The following FRMD4B variants were observed in gnomAD, a reference collection of about 807,000 sequenced individuals.
FRMD4B encodes the protein FERM domain-containing protein 4B.
In FRMD4B, 74 loss-of-function variants were observed where a neutral mutation model predicts 141.5. The observed-to-expected ratio is 0.52, with a 90% CI of 0.43 to 0.63. The LOEUF is 0.63. FRMD4B is among the 30% of genes least tolerant of loss of function. The pLI is 0.00. For missense variants in FRMD4B, 1,366 were observed against 1,253.4 expected (o/e 1.09, Z -1.36); for synonymous variants, 506 against 467.9 (o/e 1.08, Z -1.05).
At chr3:69,346,720 C>G (rs563904085) in intron 1 of FRMD4B, among the ~76,000 whole-genome samples, 3 of 152,224 alleles carry the variant, frequency 2.0e-5, no homozygotes, top group Admixed American at 1.3e-4. Context: ...AATTTCATAT[C>G]CAGCCAAACT....
At chr3:69,190,035 T>C in intron 17 of FRMD4B, 83 bp from the exon 18 acceptor site, 1 of 737,608 alleles carries the variant, frequency 1.4e-6, no homozygotes, top group East Asian at 2.6e-5. Flanking sequence ...TTCAATGGAA[T>C]GCATTTTCAT....
rs774316609 is a variant in FRMD4B, at chr3:69,427,643, G to GTT, written c.-1+4989_-1+4990dup. 3.0e-3 allele frequency among the ~76,000 whole-genome samples: 107 copies of GTT among 36,238 alleles called. 15 individuals are homozygous for GTT. The highest frequency in any genetic ancestry group is 5.9e-3 in the African/African-American group (55 of 9,384). 23.8% of individuals were successfully genotyped at this position (36,238 alleles called of 152,430 possible). On this transcript the variant is annotated intron_variant, in intron 2 of 5. Transcript: ENST00000459638. The stretch of plus-strand genomic sequence containing the variant: ...GTGTTTAGTAAGAAGCTAGGTAAAT[G>GTT]TTTTTTTTTTTTTTTTTTTTTTTTT...
intron 1 of FRMD4B, among the ~76,000 whole-genome samples, chr3:69,333,020 G>A (rs1482472722): frequency 6.6e-6 from 1 of 152,040 alleles, no homozygotes; most frequent in Non-Finnish European, 1.5e-5. Context: ...TTTTACAGTG[G>A]GAAGCCTTTC....
chr3:69,430,689 G>A (rs1341173868), intron 2 of FRMD4B, among the ~76,000 whole-genome samples: 2 of 152,182 alleles, frequency 1.3e-5, no homozygotes, highest in Non-Finnish European at 2.9e-5. Flanking sequence ...TTAATTCATG[G>A]TAGTAACGAG....
intron 1 of FRMD4B, among the ~76,000 whole-genome samples, chr3:69,525,880 A>C (rs1291986984): frequency 6.6e-6 from 1 of 151,846 alleles, no homozygotes; most frequent in Non-Finnish European, 1.5e-5. Context: ...GCTAGTGTCA[A>C]ACTTCTGGGC....
At chr3:69,480,040 C>T (rs936390111) in intron 1 of FRMD4B, among the ~76,000 whole-genome samples, 2 of 152,164 alleles carry the variant, frequency 1.3e-5, no homozygotes, top group Admixed American at 6.5e-5. Context: ...GTTCTCGAGC[C>T]TTGGCTTTCA....
At chr3:69,512,813 C>G (rs1167672867) in intron 1 of FRMD4B, among the ~76,000 whole-genome samples, 1 of 151,822 alleles carries the variant, frequency 6.6e-6, no homozygotes, top group Non-Finnish European at 1.5e-5. Flanking sequence ...GGTAAGCAAC[C>G]AATGGGTCAA....
chr3:69,386,098 G>C (rs1025332292), upstream of FRMD4B: 6 of 1,049,928 alleles, frequency 5.7e-6, no homozygotes, highest in Non-Finnish European at 7.9e-6. Flanking sequence ...TGGCAGCCGG[G>C]GGGTCAAGCC....
chr3:69,368,295 C>T (rs1575769433), intron 1 of FRMD4B, among the ~76,000 whole-genome samples: 1 of 152,310 alleles, frequency 6.6e-6, no homozygotes, highest in African/African-American at 2.4e-5. Context: ...CTCATACCAC[C>T]TGACTCCAAT....
chr3:69,486,274 T>C (rs536179158), intron 1 of FRMD4B, among the ~76,000 whole-genome samples: 2 of 152,224 alleles, frequency 1.3e-5, no homozygotes, highest in African/African-American at 4.8e-5. Context: ...TTTGGTTACA[T>C]GAGTAAGTTC....
chr3:69,370,112 G>GT (rs199752409), intron 1 of FRMD4B, among the ~76,000 whole-genome samples: 23,650 of 143,138 alleles, frequency 0.17, 2,015 homozygotes, highest in African/African-American at 0.22. Flanking sequence ...TTTTGTTCCT[G>GT]TTTTTTTTTT....
chr3:69,214,827 A>G (rs1575617251), intron 11 of FRMD4B, among the ~76,000 whole-genome samples: 1 of 152,036 alleles, frequency 6.6e-6, no homozygotes, highest in South Asian at 2.1e-4. Flanking sequence ...AGGCCACTGC[A>G]CTCCAGCCAA....
intron 11 of FRMD4B, among the ~76,000 whole-genome samples, chr3:69,201,149 AGCAGT>A (rs72007751): frequency 0.084 from 12,743 of 152,264 alleles, 530 homozygotes; most frequent in African/African-American, 0.096. Context: ...AAAGGCAGAG[AGCAGT>A]TCATTCCCCT....
intron 3 of FRMD4B, among the ~76,000 whole-genome samples, chr3:69,307,829 C>A (rs1701443887): frequency 6.6e-6 from 1 of 152,176 alleles, no homozygotes; most frequent in Admixed American, 6.5e-5. Context: ...AGCCGCATTC[C>A]TCCTCCCTAT....
chr3:69,354,146 AAATC>A (rs1481023074), intron 1 of FRMD4B, among the ~76,000 whole-genome samples: 3 of 152,214 alleles, frequency 2.0e-5, no homozygotes, highest in African/African-American at 4.8e-5. Context: ...AACCTTAGTA[AAATC>A]AATCAGAGAT....
At chr3:69,349,588 A>G (rs1014683881) in intron 1 of FRMD4B, among the ~76,000 whole-genome samples, 2 of 152,216 alleles carry the variant, frequency 1.3e-5, no homozygotes, top group Non-Finnish European at 2.9e-5. Flanking sequence ...ACAAGGCTAC[A>G]GTAACCAAAA....
intron 1 of FRMD4B, among the ~76,000 whole-genome samples, chr3:69,337,804 A>G (rs939566454): frequency 9.2e-5 from 14 of 152,172 alleles, no homozygotes; most frequent in African/African-American, 3.4e-4. Flanking sequence ...AAGTCAGGAA[A>G]CAACAGGTGC....
chr3:69,401,697 G>A (rs1414143063), intron 2 of FRMD4B, among the ~76,000 whole-genome samples: 1 of 152,088 alleles, frequency 6.6e-6, no homozygotes, highest in Non-Finnish European at 1.5e-5. Context: ...CCACACGTGT[G>A]CACCACCACA....
chr3:69,216,373 A>G (rs766947667), intron 10 of FRMD4B, 24 bp from the exon 11 acceptor site: 1 of 1,148,514 alleles, frequency 8.7e-7, no homozygotes, highest in South Asian at 1.3e-5. Context: ...AAGCATGAGA[A>G]CCAAGACCTA....
Sources: allele counts gnomAD v4.1 joint callset (sites outside exome capture counted in the v4.1 genomes callset), GRCh38; gene constraint gnomAD v4.1.1; transcripts MANE v1.5; gene names NCBI Gene and HGNC (gene_info 2026-07-23, HGNC 2026-07-21).